MACF1: variants seen among roughly 807,000 people sequenced by gnomAD.
The protein encoded by MACF1 is microtubule-actin cross-linking factor 1.
A neutral mutation model predicts 854.8 loss-of-function variants in MACF1; 193 were observed. The observed-to-expected ratio is 0.23, with a 90% CI of 0.20 to 0.25. The LOEUF is 0.25. MACF1 is among the 10% of genes least tolerant of loss of function. The probability of loss-of-function intolerance (pLI) is 1.00; values close to 1 mark genes in which losing one functional copy is unlikely to be tolerated. For synonymous variants in MACF1, 3,185 were observed against 3,226.7 expected, an observed-to-expected ratio of 0.99 and a Z score of 0.44; for missense variants, 7,722 against 8,929.1, an observed-to-expected ratio of 0.86 and a Z score of 5.45.
At chr1:39,351,122 A>C in intron 43 of MACF1, 104 bp downstream of exon 43, 1 of 777,916 alleles carries the variant, frequency 1.3e-6, no homozygotes, top group Non-Finnish European at 2.0e-6. Context: ...CATGCACAGA[A>C]TCATGAGGAA....
intron 97 of MACF1, 128 bp downstream of exon 97, chr1:39,469,743 C>T (rs1289025932): frequency 2.7e-5 from 19 of 716,864 alleles, no homozygotes; most frequent in Non-Finnish European, 4.1e-5. Flanking sequence ...ATGGCCAAAC[C>T]ATAGCTTTTC....
chr1:39,292,104 C>T (rs760339166), intron 16 of MACF1, 66 bp downstream of exon 16: 288 of 1,554,508 alleles, frequency 1.9e-4, no homozygotes, highest in Non-Finnish European at 2.4e-4. Context: ...GGACAGTACA[C>T]ACAATAAAGC....
chr1:39,299,439 A>G (rs994410097), intron 21 of MACF1, among the ~76,000 whole-genome samples: 1 of 152,144 alleles, frequency 6.6e-6, no homozygotes, highest in Non-Finnish European at 1.5e-5. Context: ...GACAAAGTTT[A>G]TCTTTTACTC....
At position 39,458,506 on chromosome 1, in the gene MACF1, C is replaced by G. The variant is rs931731151; in HGVS notation, c.21196+16C>G. ...AGCGGAGGCAGTATGTTTCCAGCCC[C>G]CTGTGTTAGGATGCTTCATTCCTGC... is the stretch of plus-strand genomic sequence containing the variant. On this transcript the variant is annotated intron_variant, in intron 90 of 100. Coordinates refer to ENST00000564288, the MANE Select transcript of MACF1 (RefSeq NM_001394062.1). The G allele has an allele frequency of 9.3e-6, 15 of 1,609,298 alleles. No homozygotes were observed. The highest frequency in any genetic ancestry group is 1.2e-5 in the Non-Finnish European group (14 of 1,177,802).
intron 2 of MACF1, among the ~76,000 whole-genome samples, chr1:39,116,498 T>G (rs898525647): frequency 1.3e-5 from 2 of 152,130 alleles, no homozygotes; most frequent in African/African-American, 4.8e-5. Flanking sequence ...ACAGGTAGAT[T>G]GATCTAGGAT....
Position 39,310,856 on chromosome 1 carries a change from G to A in MACF1, c.3126G>A (p.Lys1042=). 6.2e-7 allele frequency: 1 copy of A among 1,613,364 alleles called. No individual in the cohort carries two copies. The highest frequency in any genetic ancestry group is 8.5e-7 in the Non-Finnish European group (1 of 1,179,690). Residue 1042 remains lysine, a synonymous_variant, in exon 26 of 101, where the codon AAG becomes AAA. Coordinates refer to ENST00000564288, the MANE Select transcript of MACF1 (RefSeq NM_001394062.1). ...AGGACAAAGAGGAGACTGTGGCCAA[G>A]ATGTACATTTCAGAGTTGAAGAACA... The part of the protein sequence containing the change: ...ENEDKEETVA[K]MYISELKNIR...
At chr1:39,277,153 G>GA (rs35640640) in intron 6 of MACF1, among the ~76,000 whole-genome samples, 4,951 of 143,598 alleles carry the variant, frequency 0.034, 118 homozygotes, top group Middle Eastern at 0.084. Flanking sequence ...CAGAATGAAT[G>GA]AAAAAAAAAA....
intron 94 of MACF1, chr1:39,464,783 G>A (rs557009396): frequency 6.7e-5 from 21 of 311,676 alleles, no homozygotes; most frequent in Admixed American, 8.8e-5. Flanking sequence ...GCTTGGTAGC[G>A]CATGCCTGTA....
chr1:39,089,918 C>A (rs1374161161), intron 2 of MACF1, among the ~76,000 whole-genome samples: 1 of 152,194 alleles, frequency 6.6e-6, no homozygotes, highest in Admixed American at 6.5e-5. Flanking sequence ...TCACATGGCC[C>A]GTTACTGCAC....
intron 58 of MACF1, among the ~76,000 whole-genome samples, chr1:39,419,799 G>T (rs949088411): frequency 7.1e-5 from 1 of 13,990 alleles, no homozygotes; most frequent in African/African-American, 7.2e-4. Flanking sequence ...TGCCTGGCTA[G>T]TGTGTGTGTG....
chr1:39,088,244 T>C (rs1316395356), intron 2 of MACF1, among the ~76,000 whole-genome samples: 1 of 152,114 alleles, frequency 6.6e-6, no homozygotes, highest in Non-Finnish European at 1.5e-5. Flanking sequence ...AGTCCTGGGA[T>C]TATAGGTGTG....
At chr1:39,389,034 C>T (rs1297840484) in intron 58 of MACF1, among the ~76,000 whole-genome samples, 5 of 151,438 alleles carry the variant, frequency 3.3e-5, no homozygotes, top group Admixed American at 3.3e-4. Context: ...GCCACCATAC[C>T]CGGCTAATTT....
chr1:39,364,012 T>C (rs1648453511), intron 49 of MACF1, among the ~76,000 whole-genome samples: 1 of 152,210 alleles, frequency 6.6e-6, no homozygotes, highest in Non-Finnish European at 1.5e-5. Flanking sequence ...ATTGGAAGTG[T>C]ATCCTCAGAA....
At chr1:39,189,541 G>A (rs912126178) in intron 2 of MACF1, among the ~76,000 whole-genome samples, 1 of 152,124 alleles carries the variant, frequency 6.6e-6, no homozygotes, top group Non-Finnish European at 1.5e-5. Context: ...CAAACCCTGT[G>A]GTTCATTCTA....
chr1:39,453,622 T>C, intron 87 of MACF1, 85 bp from the exon 88 acceptor site: 1 of 1,210,912 alleles, frequency 8.3e-7, no homozygotes, highest in Admixed American at 1.8e-5. Flanking sequence ...AAGAAAACAT[T>C]GAAATTTATC....
rs1646770536 is a variant in MACF1, at chr1:39,333,961, GATTA to G, written c.7378_7381del (p.Ile2460ValfsTer10). ...GATGCTGAAAAAACAGTTAGGGAGA[GATTA>G]ATTAGTTTACAAATGGAAACAACAG... On this transcript the variant is annotated frameshift_variant, in exon 37 of 101. Coordinates refer to ENST00000564288, the MANE Select transcript of MACF1 (RefSeq NM_001394062.1). LOFTEE classifies it high-confidence loss of function. 5 of 1,614,168 alleles carry G rather than the reference GATTA, an allele frequency of 3.1e-6. No homozygotes were observed. The highest frequency in any genetic ancestry group is 1.3e-5 in the African/African-American group (1 of 75,050).
intron 2 of MACF1, among the ~76,000 whole-genome samples, chr1:39,182,336 A>G (rs1644115579): frequency 6.6e-6 from 1 of 152,110 alleles, no homozygotes; most frequent in African/African-American, 2.4e-5. Context: ...AAGTATACAC[A>G]AAAAAGAAAA....
chr1:39,372,451 A>G, intron 51 of MACF1, 28 bp from the exon 52 acceptor site: 1 of 1,347,498 alleles, frequency 7.4e-7, no homozygotes, highest in Non-Finnish European at 1.1e-6. Context: ...CCCAGATACT[A>G]CATTTGGCCA....
chr1:39,368,338 A>G (rs1376189900), intron 50 of MACF1, 24 bp downstream of exon 50: 2 of 1,593,138 alleles, frequency 1.3e-6, no homozygotes, highest in Non-Finnish European at 1.7e-6. Context: ...TGTGTTGGTC[A>G]GCATTGGGGA....
Sources: allele counts gnomAD v4.1 joint callset (sites outside exome capture counted in the v4.1 genomes callset), GRCh38; gene constraint gnomAD v4.1.1; transcripts MANE v1.5; gene names NCBI Gene and HGNC (gene_info 2026-07-23, HGNC 2026-07-21).